HNRNPUL1: variants seen among roughly 807,000 people sequenced by gnomAD.
HNRNPUL1 encodes heterogeneous nuclear ribonucleoprotein U like 1.
HNRNPUL1 carries 14 observed loss-of-function variants against 108.5 expected under a neutral mutation model. The observed-to-expected ratio is 0.13, with a 90% CI of 0.09 to 0.20. The LOEUF (loss-of-function observed/expected upper bound fraction) is 0.20. Ranked by LOEUF, HNRNPUL1 falls within the 10% of genes least tolerant of loss-of-function variation. The pLI, the probability that HNRNPUL1 is intolerant of heterozygous loss-of-function variation, is 1.00. For synonymous variants in HNRNPUL1, 422 were observed against 445.2 expected, an observed-to-expected ratio of 0.95 and a Z score of 0.66; for missense variants, 804 against 1,168.3, an observed-to-expected ratio of 0.69 and a Z score of 4.55.
chr19:41,306,560 C>G lies in HNRNPUL1; in HGVS notation c.2566C>G (p.Gln856Glu), dbSNP rs754476151. The G allele has an allele frequency of 1.3e-6, 2 of 1,560,854 alleles. No individual in the cohort carries two copies. Among genetic ancestry groups the G allele is most frequent in the Non-Finnish European group, 1.7e-6 (2 of 1,155,112 alleles). The change falls in exon 15 of 15, where the codon CAG becomes GAG. Residue 856 changes from glutamine (Q) to glutamate (E), a missense_variant. Physicochemically the swap from Gln to Glu is conservative, Grantham distance 29 (BLOSUM62 2). Coordinates refer to ENST00000392006, the MANE Select transcript of HNRNPUL1 (RefSeq NM_007040.6). ...GAACACACAGGGTGGCACAAGTACA[C>G]AGTAGCCAGTGTGACCCAGAGGCTC... The part of the protein sequence containing the change: ...SGNTQGGTST[Q>E]
intron 6 of HNRNPUL1, 122 bp from the exon 7 acceptor site, chr19:41,281,041 T>C (rs1390626781): frequency 4.6e-6 from 3 of 655,388 alleles, no homozygotes; most frequent in Non-Finnish European, 8.1e-6. Context: ...TAAAAAGGCA[T>C]CTGATTAATA....
chr19:41,287,011 C>T (rs2122733036), intron 7 of HNRNPUL1, among the ~76,000 whole-genome samples: 1 of 151,110 alleles, frequency 6.6e-6, no homozygotes, highest in South Asian at 2.1e-4. Flanking sequence ...AGCCACCGCG[C>T]CCAGTCGGTG....
chr19:41,269,310 T>G (rs1197792527), intron 2 of HNRNPUL1, among the ~76,000 whole-genome samples: 1 of 149,102 alleles, frequency 6.7e-6, no homozygotes, highest in African/African-American at 2.5e-5. Flanking sequence ...TACAAAAAAT[T>G]TAAAAATTAG....
chr19:41,303,960 T>C lies in HNRNPUL1; in HGVS notation c.1973-12T>C, dbSNP rs764908521. 12 of 1,596,344 alleles carry C rather than the reference T, an allele frequency of 7.5e-6. No homozygotes were observed. Among genetic ancestry groups the C allele is most frequent in the South Asian group, 1.1e-5 (1 of 89,972 alleles). On this transcript the variant is annotated splice_polypyrimidine_tract_variant and intron_variant, in intron 12 of 14. Coordinates refer to ENST00000392006, the MANE Select transcript of HNRNPUL1 (RefSeq NM_007040.6). The stretch of plus-strand genomic sequence containing the variant: ...AATGATGGCGCCTTTCATCTGGATT[T>C]CTCCAACACAGGTTTCAACCGCAGC...
intron 7 of HNRNPUL1, among the ~76,000 whole-genome samples, chr19:41,291,413 C>T (rs969273097): frequency 6.6e-6 from 1 of 152,146 alleles, no homozygotes; most frequent in East Asian, 1.9e-4. Context: ...AAAGGCCCTG[C>T]GGTGGCTTTC....
At chr19:41,291,077 CT>C (rs1470596654) in intron 7 of HNRNPUL1, among the ~76,000 whole-genome samples, 1 of 152,182 alleles carries the variant, frequency 6.6e-6, no homozygotes, top group Non-Finnish European at 1.5e-5. Flanking sequence ...TAATTACTAA[CT>C]TTAGCAATTC....
chr19:41,284,085 C>T (rs1283090694), intron 7 of HNRNPUL1, among the ~76,000 whole-genome samples: 1 of 152,142 alleles, frequency 6.6e-6, no homozygotes, highest in African/African-American at 2.4e-5. Flanking sequence ...ATTTTTTAAT[C>T]ATGTTACTGC....
At chr19:41,282,598 A>G (rs1268726910) in intron 7 of HNRNPUL1, among the ~76,000 whole-genome samples, 1 of 151,870 alleles carries the variant, frequency 6.6e-6, no homozygotes, top group South Asian at 2.1e-4. Context: ...TACCATTTTC[A>G]TGTTTATGGT....
intron 6 of HNRNPUL1, among the ~76,000 whole-genome samples, chr19:41,280,455 C>G (rs1449773580): frequency 1.3e-5 from 2 of 151,908 alleles, no homozygotes; most frequent in Non-Finnish European, 2.9e-5. Flanking sequence ...ACTCATAAGT[C>G]ATCTCATCTT....
At chr19:41,264,252 A>G (rs2034660394), upstream of HNRNPUL1, 1 of 374,962 alleles carries the variant, frequency 2.7e-6, no homozygotes, top group African/African-American at 2.1e-5. Flanking sequence ...GTTGTTTTGA[A>G]AACGGCGCTC....
intron 2 of HNRNPUL1, among the ~76,000 whole-genome samples, chr19:41,269,805 T>C (rs1253682917): frequency 2.6e-5 from 4 of 151,876 alleles, no homozygotes; most frequent in Non-Finnish European, 4.4e-5. Flanking sequence ...GCCTTAAAAA[T>C]AAAAACAGGC....
At chr19:41,288,629 T>C (rs1406478159) in intron 7 of HNRNPUL1, among the ~76,000 whole-genome samples, 2 of 152,194 alleles carry the variant, frequency 1.3e-5, no homozygotes, top group African/African-American at 4.8e-5. Context: ...TGTACCATAA[T>C]TGATTTAACC....
intron 11 of HNRNPUL1, 130 bp from the exon 12 acceptor site, chr19:41,302,535 C>G (rs1016417593): frequency 2.5e-6 from 3 of 1,206,258 alleles, no homozygotes; most frequent in East Asian, 4.7e-5. Flanking sequence ...CTATGTCTTT[C>G]TTATTCACTA....
intron 3 of HNRNPUL1, 82 bp downstream of exon 3, chr19:41,272,317 T>C (rs1247939254): frequency 1.5e-6 from 2 of 1,373,428 alleles, no homozygotes; most frequent in African/African-American, 1.4e-5. Flanking sequence ...ACATTTGCAC[T>C]AACCTAGAGG....
intron 13 of HNRNPUL1, 99 bp downstream of exon 13, chr19:41,304,360 C>G (rs2037421614): frequency 6.6e-7 from 1 of 1,512,138 alleles, no homozygotes; most frequent in Non-Finnish European, 8.8e-7. Flanking sequence ...CAACACATGC[C>G]CCAGCTACTG....
rs779597325 is a variant in HNRNPUL1 at position 41,268,274 on chromosome 19, T to G, written c.347T>G (p.Ile116Ser). The G allele has an allele frequency of 1.2e-6, 2 of 1,613,886 alleles. No homozygotes were observed. The highest frequency in any genetic ancestry group is 2.7e-5 in the African/African-American group (2 of 74,892). Residue 116 changes from isoleucine (I) to serine (S), a missense_variant, in exon 2 of 15, where the codon ATC (isoleucine) becomes AGC (serine). By Grantham distance (142) the Ile-to-Ser change is moderately radical. Transcript: ENST00000392006. ...AACCAATTCTACGATACCCAAGTCA[T>G]CAAACAAGAAAACGAGTCAGGCTAC... Reference protein sequence around the residue: ...RQNQFYDTQVIKQENESGYER... With the variant: ...RQNQFYDTQVSKQENESGYER...
intron 1 of HNRNPUL1, among the ~76,000 whole-genome samples, chr19:41,267,191 G>A (rs2034903889): frequency 6.6e-6 from 1 of 152,294 alleles, no homozygotes; most frequent in African/African-American, 2.4e-5. Context: ...CCTGAGGGGT[G>A]TTATGAATGA....
intron 5 of HNRNPUL1, among the ~76,000 whole-genome samples, chr19:41,277,787 G>A (rs923960997): frequency 4.6e-5 from 7 of 151,532 alleles, no homozygotes; most frequent in African/African-American, 7.3e-5. Flanking sequence ...GATTACAGGC[G>A]TGAGCTGCCG....
intron 6 of HNRNPUL1, among the ~76,000 whole-genome samples, chr19:41,279,924 GT>G (rs2035805891): frequency 1.3e-5 from 2 of 152,132 alleles, no homozygotes; most frequent in Non-Finnish European, 2.9e-5. Context: ...GTATAGCCTT[GT>G]TTTAATGTAT....
Sources: allele counts gnomAD v4.1 joint callset (sites outside exome capture counted in the v4.1 genomes callset), GRCh38; gene constraint gnomAD v4.1.1; transcripts MANE v1.5; gene names NCBI Gene and HGNC (gene_info 2026-07-23, HGNC 2026-07-21).